Variants in B3GALT1 observed in about 807,000 individuals in gnomAD.
The protein encoded by B3GALT1 is beta-1,3-galactosyltransferase 1.
In B3GALT1, 10 loss-of-function variants were observed where a neutral mutation model predicts 23.2. The ratio of observed to expected loss-of-function variants is 0.43; its 90% CI spans 0.27 to 0.73. The LOEUF (loss-of-function observed/expected upper bound fraction) is 0.73. Ranked by LOEUF, B3GALT1 falls within the 30% of genes least tolerant of loss-of-function variation. The pLI is 0.21. For synonymous variants in B3GALT1, 156 were observed against 141.5 expected, an observed-to-expected ratio of 1.10 and a Z score of -0.73; for missense variants, 299 against 405.4, an observed-to-expected ratio of 0.74 and a Z score of 2.25.
chr2:167,420,502 C>T (rs1025849497), intron 1 of B3GALT1, among the ~76,000 whole-genome samples: 2 of 152,262 alleles, frequency 1.3e-5, no homozygotes, highest in Non-Finnish European at 2.9e-5. Context: ...TTGTGTATTT[C>T]AAGAAACAAG....
chr2:167,860,138 G>A (rs2105429731), intron 4 of B3GALT1, among the ~76,000 whole-genome samples: 1 of 152,272 alleles, frequency 6.6e-6, no homozygotes, highest in African/African-American at 2.4e-5. Flanking sequence ...TCTGGCCCTT[G>A]GGGCTTGTTT....
At chr2:167,558,239 A>C (rs1206295281) in intron 2 of B3GALT1, 1 of 152,252 alleles carries the variant, frequency 6.6e-6, no homozygotes, top group East Asian at 1.9e-4. Context: ...TAGATAAAAT[A>C]ACATGGAGAA....
chr2:167,752,213 T>A (rs573956029), intron 3 of B3GALT1, among the ~76,000 whole-genome samples: 1 of 152,264 alleles, frequency 6.6e-6, no homozygotes, highest in East Asian at 1.9e-4. Flanking sequence ...TTATGCACAG[T>A]AGACACTTCC....
chr2:167,518,973 G>A (rs905617226), intron 2 of B3GALT1, among the ~76,000 whole-genome samples: 5 of 152,180 alleles, frequency 3.3e-5, no homozygotes, highest in Non-Finnish European at 7.3e-5. Flanking sequence ...CCATAATTTG[G>A]ATCCCCAATG....
At chr2:167,841,314 C>G (rs1689645271) in intron 4 of B3GALT1, among the ~76,000 whole-genome samples, 1 of 151,818 alleles carries the variant, frequency 6.6e-6, no homozygotes, top group Non-Finnish European at 1.5e-5. Flanking sequence ...GTCAGCACAA[C>G]ATGCTTAGCC....
chr2:167,310,697 G>T (rs1243819092), intron 1 of B3GALT1, among the ~76,000 whole-genome samples: 1 of 151,948 alleles, frequency 6.6e-6, no homozygotes, highest in Non-Finnish European at 1.5e-5. Context: ...AAGGATTTTA[G>T]TGTTCTATTT....
In B3GALT1 at chr2:167,467,200, C is replaced by T. The variant is rs575928255; in HGVS notation, c.-510-22977C>T. Among the ~76,000 whole-genome samples, 7 of 151,924 alleles carry T rather than the reference C, an allele frequency of 4.6e-5. No individual in the cohort carries two copies. The South Asian group carries it at 1.0e-3, about 23-fold the overall frequency. On this transcript the variant is annotated intron_variant, in intron 1 of 4. Transcript: ENST00000392690. Reference sequence around the variant, plus strand: ...GGGATATTAAGAAAAAGAGCCAAGCCGACTGACCCACTCAGGACCTCATTA... The same window carrying T: ...GGGATATTAAGAAAAAGAGCCAAGCTGACTGACCCACTCAGGACCTCATTA...
intron 2 of B3GALT1, among the ~76,000 whole-genome samples, chr2:167,561,600 A>G (rs1357161727): frequency 1.3e-5 from 2 of 152,156 alleles, no homozygotes; most frequent in African/African-American, 2.4e-5. Context: ...TCAAATAGAC[A>G]CAATAAAAAA....
At chr2:167,520,592 C>CA (rs1201575018) in intron 2 of B3GALT1, among the ~76,000 whole-genome samples, 1 of 152,042 alleles carries the variant, frequency 6.6e-6, no homozygotes, top group African/African-American at 2.4e-5. Context: ...TTGAGCATCG[C>CA]AAAAAAACCG....
At chr2:167,369,895 CTTAT>C (rs112974683) in intron 1 of B3GALT1, among the ~76,000 whole-genome samples, 2,882 of 152,060 alleles carry the variant, frequency 0.019, 87 homozygotes, top group African/African-American at 0.064. Flanking sequence ...GGCACTTCTG[CTTAT>C]TTATTTATTT....
At chr2:167,590,239 G>A (rs1260982517) in intron 2 of B3GALT1, among the ~76,000 whole-genome samples, 1 of 151,334 alleles carries the variant, frequency 6.6e-6, no homozygotes, top group Non-Finnish European at 1.5e-5. Context: ...CCAGCTACTT[G>A]GGAGGTTGAA....
chr2:167,366,895 C>T (rs1307011574), intron 1 of B3GALT1, among the ~76,000 whole-genome samples: 2 of 152,228 alleles, frequency 1.3e-5, no homozygotes, highest in African/African-American at 2.4e-5. Context: ...GACAGGGCAA[C>T]TGGCTTCCTC....
chr2:167,777,496 A>G (rs1054914851), intron 3 of B3GALT1, among the ~76,000 whole-genome samples: 8 of 152,006 alleles, frequency 5.3e-5, no homozygotes, highest in African/African-American at 1.9e-4. Context: ...ACAGGCACCC[A>G]CCACCACGCC....
At chr2:167,364,315 A>G (rs902835084) in intron 1 of B3GALT1, among the ~76,000 whole-genome samples, 2 of 149,324 alleles carry the variant, frequency 1.3e-5, no homozygotes, top group African/African-American at 4.9e-5. Context: ...AGGTGTTCTC[A>G]TACTGTTTTC....
intron 1 of B3GALT1, among the ~76,000 whole-genome samples, chr2:167,388,567 T>C (rs915926840): frequency 2.0e-5 from 3 of 152,006 alleles, no homozygotes; most frequent in Non-Finnish European, 4.4e-5. Context: ...TAAATATTCG[T>C]CCAAGTAACC....
intron 1 of B3GALT1, among the ~76,000 whole-genome samples, chr2:167,341,362 G>A (rs1413013466): frequency 6.6e-6 from 1 of 152,066 alleles, no homozygotes; most frequent in Admixed American, 6.6e-5. Flanking sequence ...GCAGAAAAAG[G>A]TAAAAATAAA....
At chr2:167,646,135 G>A (rs1685745321) in intron 2 of B3GALT1, among the ~76,000 whole-genome samples, 2 of 152,118 alleles carry the variant, frequency 1.3e-5, no homozygotes, top group South Asian at 2.1e-4. Context: ...GGTTTGGTGC[G>A]AAGAAGTGAT....
intron 1 of B3GALT1, among the ~76,000 whole-genome samples, chr2:167,354,837 T>C (rs1697376771): frequency 6.6e-6 from 1 of 152,232 alleles, no homozygotes; most frequent in Admixed American, 6.5e-5. Context: ...ACCACATTTA[T>C]TGTCTTCCTG....
chr2:167,766,816 A>G (rs1687984987), intron 3 of B3GALT1, among the ~76,000 whole-genome samples: 1 of 152,274 alleles, frequency 6.6e-6, no homozygotes, highest in East Asian at 1.9e-4. Context: ...AAACACTCTC[A>G]TAATAAACAG....
Sources: allele counts gnomAD v4.1 joint callset (sites outside exome capture counted in the v4.1 genomes callset), GRCh38; gene constraint gnomAD v4.1.1; transcripts MANE v1.5; gene names NCBI Gene and HGNC (gene_info 2026-07-23, HGNC 2026-07-21).